Variants in BAZ1B observed in about 807,000 individuals in gnomAD.
The protein encoded by BAZ1B is tyrosine-protein kinase BAZ1B.
BAZ1B carries 22 observed loss-of-function variants against 153.8 expected under a neutral mutation model. The ratio of observed to expected loss-of-function variants is 0.14; its 90% CI spans 0.10 to 0.20. The LOEUF is 0.20. BAZ1B is among the 10% of genes least tolerant of loss of function. BAZ1B has a pLI of 1.00. For missense variants in BAZ1B, 1,325 were observed against 1,799.3 expected (o/e 0.74, Z 4.77); for synonymous variants, 676 against 633.4 (o/e 1.07, Z -1.01).
At chr7:73,510,149 G>A (rs1790519556) in intron 2 of BAZ1B, among the ~76,000 whole-genome samples, 2 of 150,670 alleles carry the variant, frequency 1.3e-5, no homozygotes, top group Non-Finnish European at 2.9e-5. Context: ...AAGAATAAGG[G>A]CCAGGCGCGG....
chr7:73,463,064 C>T lies in BAZ1B; in HGVS notation c.3107G>A (p.Arg1036Gln), dbSNP rs1788450144. The change falls in exon 12 of 20, where the codon CGG (arginine) becomes CAG (glutamine). Residue 1036 changes from arginine to glutamine, a missense_variant. Arg to Gln is a conservative substitution (Grantham distance 43). Transcript: ENST00000339594. ...AGATTTTAGACCCAAATTTGGCTTC[C>T]GTGCTAGATGAATAGAGTGAATAAT... ...QDIIHSIHLA[R>Q]KPNLGLKSCD... 6.2e-7 allele frequency: 1 copy of T among 1,613,850 alleles called. No individual in the cohort carries two copies. The highest frequency in any genetic ancestry group is 8.5e-7 in the Non-Finnish European group (1 of 1,179,932).
intron 4 of BAZ1B, among the ~76,000 whole-genome samples, chr7:73,493,999 T>C (rs1261124334): frequency 6.6e-6 from 1 of 152,122 alleles, no homozygotes; most frequent in Non-Finnish European, 1.5e-5. Flanking sequence ...TTGTATACCA[T>C]TTAAAGAGAT....
chr7:73,491,950 A>G (rs1554575523), intron 5 of BAZ1B, among the ~76,000 whole-genome samples: 1 of 148,814 alleles, frequency 6.7e-6, no homozygotes. Flanking sequence ...GTAACATTCC[A>G]TATTTCTTAG....
chr7:73,441,951 C>A, intron 19 of BAZ1B: 1 of 530,218 alleles, frequency 1.9e-6, no homozygotes, highest in East Asian at 3.0e-5. Context: ...CCCTCGGACT[C>A]CTCCTGGAAA....
intron 6 of BAZ1B, among the ~76,000 whole-genome samples, chr7:73,480,538 A>G (rs182539463): frequency 8.1e-4 from 123 of 152,366 alleles, no homozygotes; most frequent in Non-Finnish European, 1.5e-3. Context: ...ATTTCAGAAG[A>G]AAACTGTTGC....
At chr7:73,491,841 T>C (rs1279032084) in intron 5 of BAZ1B, among the ~76,000 whole-genome samples, 1 of 152,164 alleles carries the variant, frequency 6.6e-6, no homozygotes, top group Non-Finnish European at 1.5e-5. Flanking sequence ...TGTAAAATGG[T>C]TATACCTGAA....
intron 6 of BAZ1B, among the ~76,000 whole-genome samples, chr7:73,484,403 G>A (rs1005464050): frequency 3.9e-5 from 6 of 152,016 alleles, no homozygotes; most frequent in Non-Finnish European, 7.4e-5. Flanking sequence ...TTCAGGGGTC[G>A]AGGCGGGGAA....
chr7:73,485,068 T>A (rs1168900692), intron 6 of BAZ1B, among the ~76,000 whole-genome samples: 1 of 152,158 alleles, frequency 6.6e-6, no homozygotes, highest in Non-Finnish European at 1.5e-5. Flanking sequence ...TTGACAACTG[T>A]ACTGTAGTTA....
In BAZ1B at chr7:73,508,270, T is replaced by C; in HGVS notation, c.369+57A>G. 6 of 1,573,540 alleles carry C rather than the reference T, an allele frequency of 3.8e-6. No individual in the cohort carries two copies. The South Asian group carries it at 6.9e-5, about 18-fold the overall frequency. The stretch of plus-strand genomic sequence containing the variant: ...ACACATAGAAATGTGTTCTGTAACC[T>C]ACGATGACAGCTCTAATTCTGATGG... On this transcript the variant is annotated intron_variant, in intron 3 of 19. Coordinates refer to ENST00000339594, the MANE Select transcript of BAZ1B (RefSeq NM_032408.4).
chr7:73,459,440 T>G, intron 13 of BAZ1B, 96 bp downstream of exon 13: 1 of 1,243,384 alleles, frequency 8.0e-7, no homozygotes, highest in Admixed American at 2.3e-5. Context: ...CAGGGCACAG[T>G]GCCTATAGCA....
rs150334133 is a variant in BAZ1B, at chr7:73,450,117, G to A, written c.3581-428C>T. ...GGCTGGAGTGCAGTGGCGCGATCTC[G>A]GCTCACTGCAACCTCCGCCTCCCGG... On this transcript the variant is annotated intron_variant, in intron 14 of 19. Transcript: ENST00000339594. The surrounding 1 kb of genome is among the most constrained non-coding windows in gnomAD (Gnocchi z 4.1). Among the ~76,000 whole-genome samples, 2,453 of 151,394 alleles carry A rather than the reference G, an allele frequency of 0.016. 54 individuals are homozygous for A. Among genetic ancestry groups the A allele is most frequent in the African/African-American group, 0.055 (2,254 of 41,258 alleles).
At chr7:73,455,682 C>A (rs1415225464) in intron 13 of BAZ1B, among the ~76,000 whole-genome samples, 1 of 152,042 alleles carries the variant, frequency 6.6e-6, no homozygotes, top group Non-Finnish European at 1.5e-5. Flanking sequence ...TCAGGGCAGG[C>A]TAAGGTGGGA....
chr7:73,477,721 A>G lies in BAZ1B; in HGVS notation c.1740T>C (p.Tyr580=). The change falls in exon 7 of 20, where the codon TAT becomes TAC. Residue 580 remains tyrosine, a synonymous_variant. Coordinates refer to ENST00000339594, the MANE Select transcript of BAZ1B (RefSeq NM_032408.4). The surrounding 1 kb of genome is among the most constrained non-coding windows in gnomAD (Gnocchi z 5.6). ...MLERLEKQKR[Y]EDQELTGKNL... ...TTTTGCCAGTTAACTCTTGGTCCTC[A>G]TACCGCTTCTGTTTTTCTAATCTCT... 1.2e-6 allele frequency: 2 copies of G among 1,614,144 alleles called. No individual in the cohort carries two copies. Among genetic ancestry groups the G allele is most frequent in the Admixed American group, 1.7e-5 (1 of 60,008 alleles).
intron 3 of BAZ1B, among the ~76,000 whole-genome samples, chr7:73,500,890 TAA>T (rs1207744313): frequency 1.9e-5 from 2 of 105,252 alleles, no homozygotes; most frequent in African/African-American, 7.3e-5. Flanking sequence ...ACTCTGTTTA[TAA>T]AAAAAAAAAA....
chr7:73,497,845 AC>A (rs1213863887), intron 4 of BAZ1B, among the ~76,000 whole-genome samples: 1 of 152,080 alleles, frequency 6.6e-6, no homozygotes, highest in Non-Finnish European at 1.5e-5. Context: ...TACCTTGATC[AC>A]CCCCCAATAC....
At chr7:73,504,044 T>C (rs1790236995) in intron 3 of BAZ1B, among the ~76,000 whole-genome samples, 1 of 152,232 alleles carries the variant, frequency 6.6e-6, no homozygotes, top group South Asian at 2.1e-4. Context: ...TTAGAAATGA[T>C]AAAGTCTTCC....
At chr7:73,469,295 C>T (rs1478936041) in intron 9 of BAZ1B, among the ~76,000 whole-genome samples, 1 of 152,184 alleles carries the variant, frequency 6.6e-6, no homozygotes, top group Non-Finnish European at 1.5e-5. Context: ...CATATTCAAG[C>T]TCTTCATCTT....
intron 3 of BAZ1B, among the ~76,000 whole-genome samples, chr7:73,507,035 C>T (rs1285389600): frequency 2.7e-5 from 4 of 150,168 alleles, no homozygotes; most frequent in Non-Finnish European, 4.4e-5. Flanking sequence ...CCCGCCACCA[C>T]GGCCGGCTAA....
At chr7:73,509,813 CA>C (rs782401176) in intron 2 of BAZ1B, among the ~76,000 whole-genome samples, 2,496 of 133,628 alleles carry the variant, frequency 0.019, 42 homozygotes, top group African/African-American at 0.052. Context: ...ATTAAACTAG[CA>C]AAAAAAAAAA....
Sources: gnomAD v4.1 joint callset for allele counts (sites outside exome capture counted in the v4.1 genomes callset) on GRCh38, gnomAD v4.1.1 for gene constraint, Gnocchi (gnomAD v3.1) non-coding constraint, MANE v1.5 for transcripts, NCBI Gene and HGNC (gene_info 2026-07-23, HGNC 2026-07-21) for gene names.